The following GID4 variants were observed in gnomAD, a reference collection of about 807,000 sequenced individuals.
GID4 encodes the protein GID complex subunit 4 homolog.
In GID4, 7 loss-of-function variants were observed where a neutral mutation model predicts 32.4. That is an observed-to-expected ratio of 0.22 (90% CI 0.12 to 0.41). The LOEUF (loss-of-function observed/expected upper bound fraction) is 0.41. Among genes scored for constraint, GID4 ranks in the 10% least tolerant of loss-of-function variants. The probability of loss-of-function intolerance (pLI) is 1.00; values close to 1 mark genes in which losing one functional copy is unlikely to be tolerated. For synonymous variants in GID4, 166 were observed against 170.0 expected (o/e 0.98, Z 0.18); for missense variants, 309 against 400.0 (o/e 0.77, Z 1.94).
At chr17:18,059,008 G>T in intron 4 of GID4, 39 bp downstream of exon 4, 1 of 1,194,226 alleles carries the variant, frequency 8.4e-7, no homozygotes, top group Non-Finnish European at 1.3e-6. Context: ...CTCCCAGCAA[G>T]CCAGGCCCTG....
Position 18,039,933 on chromosome 17 carries a change from G to A in GID4, c.438+31G>A, listed in dbSNP as rs1238287923. 2 of 1,339,188 alleles carry A rather than the reference G, an allele frequency of 1.5e-6. No homozygotes were observed. Among genetic ancestry groups the A allele is most frequent in the Non-Finnish European group, 1.9e-6 (2 of 1,039,828 alleles). 83.0% of individuals were successfully genotyped at this position (1,339,188 alleles called of 1,614,324 possible). On this transcript the variant is annotated intron_variant, in intron 1 of 5. Coordinates refer to ENST00000268719, the MANE Select transcript of GID4 (RefSeq NM_024052.5). This position sits in a 1 kb window ranked among gnomAD's most constrained non-coding sequence, Gnocchi z 5.3. ...CGCCGGGCCGGGCCGGGGCCCGAGGGCCTCCTCGCGGCGCTCACGGGCCGT... is the reference window on the plus strand; with the variant it reads ...CGCCGGGCCGGGCCGGGGCCCGAGGACCTCCTCGCGGCGCTCACGGGCCGT...
chr17:18,064,271 G>T (rs925243719), intron 5 of GID4, among the ~76,000 whole-genome samples: 4 of 152,124 alleles, frequency 2.6e-5, no homozygotes, highest in Non-Finnish European at 5.9e-5. Flanking sequence ...GCACCATTTT[G>T]CATTCCTACC....
At position 18,048,698 on chromosome 17, in the gene GID4, A is replaced by G. The variant is rs140792114; in HGVS notation, c.498+3492A>G. Among the ~76,000 whole-genome samples the G allele has an allele frequency of 4.5e-3, 689 of 151,714 alleles. 6 individuals are homozygous for G. Among genetic ancestry groups the G allele is most frequent in the African/African-American group, 0.016 (666 of 41,364 alleles). On this transcript the variant is annotated intron_variant, in intron 2 of 5. Coordinates refer to ENST00000268719, the MANE Select transcript of GID4 (RefSeq NM_024052.5). Reference sequence around the variant, plus strand: ...TGCTCTGTCACCCGGGCTGGAGTGCAGTTGTGTGATCTCAGCTCACTGCAA... The same window carrying G: ...TGCTCTGTCACCCGGGCTGGAGTGCGGTTGTGTGATCTCAGCTCACTGCAA...
intron 5 of GID4, among the ~76,000 whole-genome samples, chr17:18,062,884 G>A (rs1017112920): frequency 2.7e-5 from 4 of 148,990 alleles, no homozygotes; most frequent in African/African-American, 9.9e-5. Flanking sequence ...GACCATCCTG[G>A]CTAACACGGT....
intron 1 of GID4, among the ~76,000 whole-genome samples, chr17:18,043,496 A>G (rs947592772): frequency 1.3e-5 from 2 of 152,248 alleles, no homozygotes; most frequent in Non-Finnish European, 2.9e-5. Context: ...CTTTAATAAA[A>G]GTTCTTTGCT....
intron 5 of GID4, among the ~76,000 whole-genome samples, chr17:18,063,760 G>T (rs1209158208): frequency 6.7e-6 from 1 of 150,198 alleles, no homozygotes; most frequent in African/African-American, 2.5e-5. Context: ...CTTTTTTTTT[G>T]AAACAAAGTC....
At chr17:18,041,894 C>T (rs868002179) in intron 1 of GID4, among the ~76,000 whole-genome samples, 6 of 152,296 alleles carry the variant, frequency 3.9e-5, no homozygotes, top group African/African-American at 1.4e-4. Context: ...CTCAGGCAGC[C>T]CAGAGCAGAA....
chr17:18,061,794 T>C lies in GID4; in HGVS notation c.709-51T>C. The C allele has an allele frequency of 6.3e-7, 1 of 1,599,620 alleles. No homozygotes were observed. On this transcript the variant is annotated intron_variant, in intron 4 of 5. Coordinates refer to ENST00000268719, the MANE Select transcript of GID4 (RefSeq NM_024052.5). This position sits in a 1 kb window ranked among gnomAD's most constrained non-coding sequence, Gnocchi z 4.4. The stretch of plus-strand genomic sequence containing the variant: ...CCTGATGCTTAACAGGGAGGCCCCG[T>C]GGGTGGTCAGAGAATGCTATCTGTT...
chr17:18,058,071 G>C (rs1157340546), intron 3 of GID4, among the ~76,000 whole-genome samples: 1 of 152,184 alleles, frequency 6.6e-6, no homozygotes, highest in African/African-American at 2.4e-5. Context: ...CTGACCTTGT[G>C]ATCTGCCTGC....
At chr17:18,056,331 G>C (rs2044966764) in intron 3 of GID4, among the ~76,000 whole-genome samples, 1 of 152,230 alleles carries the variant, frequency 6.6e-6, no homozygotes, top group Non-Finnish European at 1.5e-5. Flanking sequence ...TGATACAAGA[G>C]AATGCACAAG....
rs984962960 is a variant in GID4 at position 18,052,989 on chromosome 17, A to G, written c.499-1138A>G. On this transcript the variant is annotated intron_variant, in intron 2 of 5. Coordinates refer to ENST00000268719, the MANE Select transcript of GID4 (RefSeq NM_024052.5). ...ACTAGAAGTTTCTCTGAACATGTAG[A>G]ACACTGAAAAAAGTATTTACTTTTT... Among the ~76,000 whole-genome samples the G allele has an allele frequency of 4.0e-5, 6 of 150,366 alleles. No individual in the cohort carries two copies. The South Asian group carries it at 1.1e-3, about 27-fold the overall frequency.
At chr17:18,043,526 TA>T (rs1472819837) in intron 1 of GID4, among the ~76,000 whole-genome samples, 4 of 152,214 alleles carry the variant, frequency 2.6e-5, no homozygotes, top group Non-Finnish European at 5.9e-5. Flanking sequence ...TAGCGTGGAT[TA>T]GCTGTTTTAG....
At chr17:18,053,530 A>G (rs898598688) in intron 2 of GID4, among the ~76,000 whole-genome samples, 1 of 151,996 alleles carries the variant, frequency 6.6e-6, no homozygotes, top group African/African-American at 2.4e-5. Context: ...GGAGAATCAC[A>G]TAAACCCAGG....
chr17:18,065,485 T>A lies in GID4; in HGVS notation c.*242T>A, dbSNP rs2045053280. 3.8e-6 allele frequency: 2 copies of A among 532,764 alleles called. No homozygotes were observed. The highest frequency in any genetic ancestry group is 3.4e-6 in the Non-Finnish European group (1 of 293,938). 33.0% of individuals were successfully genotyped at this position (532,764 alleles called of 1,614,324 possible). A position where few individuals can be genotyped will look rare whatever the true frequency, so the allele number is the denominator to read the frequency against. ...TGGCAGTTTGGTCTTCACCTGTTTTTAAGCTACCTTAAACGCACTTTTCCT... is the reference window on the plus strand; with the variant it reads ...TGGCAGTTTGGTCTTCACCTGTTTTAAAGCTACCTTAAACGCACTTTTCCT... On this transcript the variant is annotated 3_prime_UTR_variant, in exon 6 of 6. Coordinates refer to ENST00000268719, the MANE Select transcript of GID4 (RefSeq NM_024052.5).
chr17:18,051,359 A>G (rs1488923699), intron 2 of GID4, among the ~76,000 whole-genome samples: 1 of 152,204 alleles, frequency 6.6e-6, no homozygotes, highest in Non-Finnish European at 1.5e-5. Flanking sequence ...GAAGTTCAGA[A>G]AAAAGATTAA....
In GID4 at chr17:18,039,408, GT is replaced by G; in HGVS notation, c.-56del. 8.0e-7 allele frequency: 1 copy of G among 1,243,760 alleles called. No individual in the cohort carries two copies. The highest frequency in any genetic ancestry group is 1.1e-6 in the Non-Finnish European group (1 of 928,436). 77.0% of individuals were successfully genotyped at this position (1,243,760 alleles called of 1,614,324 possible). The stretch of plus-strand genomic sequence containing the variant: ...CTGAGCCAATCGGAAGGGGCGGGGT[GT>G]GTGTGTGTCTGTGTGTGTTTGTGTG... On this transcript the variant is annotated 5_prime_UTR_variant, in exon 1 of 6. Coordinates refer to ENST00000268719, the MANE Select transcript of GID4 (RefSeq NM_024052.5). This position sits in a 1 kb window ranked among gnomAD's most constrained non-coding sequence, Gnocchi z 5.3.
intron 4 of GID4, among the ~76,000 whole-genome samples, chr17:18,059,547 T>C (rs2045000399): frequency 6.6e-6 from 1 of 152,168 alleles, no homozygotes; most frequent in South Asian, 2.1e-4. Context: ...CCTGACTGAC[T>C]TGATGGATTG....
chr17:18,043,229 C>G (rs2044820453), intron 1 of GID4, among the ~76,000 whole-genome samples: 1 of 152,172 alleles, frequency 6.6e-6, no homozygotes, highest in Admixed American at 6.5e-5. Context: ...TATTTGAGTT[C>G]ACCAACCATT....
chr17:18,039,688 C>A lies in GID4; in HGVS notation c.224C>A (p.Pro75Gln). The A allele has an allele frequency of 3.4e-6, 5 of 1,465,332 alleles. No individual in the cohort carries two copies. The highest frequency in any genetic ancestry group is 2.4e-4 in the Middle Eastern group (1 of 4,136). 90.8% of individuals were successfully genotyped at this position (1,465,332 alleles called of 1,614,324 possible). A position where few individuals can be genotyped will look rare whatever the true frequency, so the allele number is the denominator to read the frequency against. The change falls in exon 1 of 6, where the codon CCA becomes CAA. Residue 75 changes from proline to glutamine, a missense_variant. By Grantham distance (76) the Pro-to-Gln change is moderately conservative. Coordinates refer to ENST00000268719, the MANE Select transcript of GID4 (RefSeq NM_024052.5). The surrounding 1 kb of genome is among the most constrained non-coding windows in gnomAD (Gnocchi z 5.3). ...AAAAVPLPLP[P>Q]ALAPGDPAMP... Reference sequence around the variant, plus strand: ...GCGGCGGTTCCTCTCCCACTCCCCCCAGCCCTGGCTCCGGGGGACCCCGCG... The same window carrying A: ...GCGGCGGTTCCTCTCCCACTCCCCCAAGCCCTGGCTCCGGGGGACCCCGCG...
Sources: allele counts gnomAD v4.1 joint callset (sites outside exome capture counted in the v4.1 genomes callset), GRCh38; gene constraint gnomAD v4.1.1; non-coding constraint Gnocchi (gnomAD v3.1); transcripts MANE v1.5; gene names NCBI Gene and HGNC (gene_info 2026-07-23, HGNC 2026-07-21).